The following MCC variants were observed in gnomAD, a reference collection of about 807,000 sequenced individuals.
MCC encodes the protein MCC regulator of Wnt signaling pathway.
Under a neutral mutation model 116.2 loss-of-function variants are expected in MCC, and 90 were observed. The observed-to-expected ratio is 0.77, with a 90% CI of 0.65 to 0.92. MCC has a LOEUF of 0.92. Among genes scored for constraint, MCC ranks in the 40% least tolerant of loss-of-function variants. MCC has a pLI of 0.00. For missense variants in MCC, 1,516 were observed against 1,312.2 expected (o/e 1.16, Z -2.40); for synonymous variants, 578 against 510.5 (o/e 1.13, Z -1.78).
chr5:113,378,870 CT>C (rs1769044907), intron 2 of MCC, among the ~76,000 whole-genome samples: 1 of 152,220 alleles, frequency 6.6e-6, no homozygotes, highest in Admixed American at 6.5e-5. Context: ...ATGTAAATAT[CT>C]AATGCTAGAA....
At chr5:113,404,356 T>C (rs986288424) in intron 1 of MCC, among the ~76,000 whole-genome samples, 1 of 152,156 alleles carries the variant, frequency 6.6e-6, no homozygotes, top group Non-Finnish European at 1.5e-5. Context: ...TGCCCTCAAA[T>C]GGCTGTAAAA....
At chr5:113,296,786 C>A (rs1315210730) in intron 3 of MCC, among the ~76,000 whole-genome samples, 2 of 152,110 alleles carry the variant, frequency 1.3e-5, no homozygotes, top group Non-Finnish European at 2.9e-5. Context: ...AGATTTAAAT[C>A]ACACTCATGA....
At chr5:113,251,390 C>A (rs1483652440) in intron 3 of MCC, among the ~76,000 whole-genome samples, 1 of 152,158 alleles carries the variant, frequency 6.6e-6, no homozygotes. Flanking sequence ...ATAATGTGTA[C>A]TATGATAAAC....
At chr5:113,378,341 A>G (rs991060417) in intron 2 of MCC, among the ~76,000 whole-genome samples, 5 of 152,018 alleles carry the variant, frequency 3.3e-5, no homozygotes, top group African/African-American at 1.2e-4. Flanking sequence ...TCCTTAGACC[A>G]TGGGGCACCA....
chr5:113,466,163 T>A (rs916709967), intron 1 of MCC, among the ~76,000 whole-genome samples: 4 of 101,818 alleles, frequency 3.9e-5, no homozygotes, highest in African/African-American at 1.5e-4. Context: ...TGAAGTTGAG[T>A]AGCCATTCTT....
At chr5:113,418,949 A>C (rs1261479354) in intron 1 of MCC, among the ~76,000 whole-genome samples, 2 of 152,154 alleles carry the variant, frequency 1.3e-5, no homozygotes, top group Non-Finnish European at 2.9e-5. Context: ...CCAACCAAAG[A>C]GGGATGCGTA....
At position 113,434,108 on chromosome 5, in the gene MCC, C is replaced by A. The variant is rs748314371; in HGVS notation, c.171-48896G>T. 1.9e-6 allele frequency: 3 copies of A among 1,614,212 alleles called. 1 individual carries two copies. In the South Asian group the frequency reaches 3.3e-5, roughly 18 times the overall value. Reference sequence around the variant, plus strand: ...GCATGTGGTAGATGAGGTCCTTGCACTCGCCTGTCAGGTGCTTGGAGCGTG... The same window carrying A: ...GCATGTGGTAGATGAGGTCCTTGCAATCGCCTGTCAGGTGCTTGGAGCGTG... On this transcript the variant is annotated intron_variant, in intron 1 of 18. Coordinates refer to ENST00000408903, the MANE Select transcript of MCC (RefSeq NM_001085377.2). The surrounding 1 kb of genome is among the most constrained non-coding windows in gnomAD (Gnocchi z 4.2).
At chr5:113,258,376 T>C (rs1318207471) in intron 3 of MCC, among the ~76,000 whole-genome samples, 1 of 152,210 alleles carries the variant, frequency 6.6e-6, no homozygotes, top group South Asian at 2.1e-4. Flanking sequence ...TGGACCAGAC[T>C]GGTACTGGTC....
intron 1 of MCC, among the ~76,000 whole-genome samples, chr5:113,467,945 A>C (rs992660508): frequency 1.3e-5 from 2 of 152,062 alleles, no homozygotes; most frequent in Non-Finnish European, 2.9e-5. Flanking sequence ...TCTTTGAAGC[A>C]ATTGTGAATG....
intron 14 of MCC, 26 bp from the exon 15 acceptor site, chr5:113,053,985 C>G: frequency 4.6e-6 from 7 of 1,534,168 alleles, no homozygotes; most frequent in Non-Finnish European, 6.3e-6. Flanking sequence ...AACAAAGACC[C>G]ACCACCCTGT....
At chr5:113,284,368 T>A (rs1766166516) in intron 3 of MCC, among the ~76,000 whole-genome samples, 1 of 152,198 alleles carries the variant, frequency 6.6e-6, no homozygotes, top group African/African-American at 2.4e-5. Context: ...TATGCCAGCA[T>A]GGTTTAAGGG....
chr5:113,422,256 T>C (rs1425612119), intron 1 of MCC, among the ~76,000 whole-genome samples: 1 of 142,614 alleles, frequency 7.0e-6, no homozygotes, highest in African/African-American at 2.9e-5. Flanking sequence ...AGATGTGCTG[T>C]ACCACACCAT....
At position 113,232,525 on chromosome 5, in the gene MCC, A is replaced by G. The variant is rs141024691; in HGVS notation, c.628-81103T>C. Among the ~76,000 whole-genome samples the G allele has an allele frequency of 2.6e-5, 4 of 152,184 alleles. No homozygotes were observed. The East Asian group carries it at 5.8e-4, about 22-fold the overall frequency. ...TATTCTGAATTCGCACGCCCAAAAA[A>G]GCTGAGATCAGAGACTCTGTCAGTT... On this transcript the variant is annotated intron_variant, in intron 3 of 18. Transcript: ENST00000408903.
rs201626099 is a variant in MCC at position 113,330,052 on chromosome 5, AACTG to A, written c.627+10463_627+10466del. ...TGCAGTCTAACTTAGCACATAAACT[AACTG>A]AAAGCCTAACTTAGGAGTATAGTTT... is the stretch of plus-strand genomic sequence containing the variant. On this transcript the variant is annotated intron_variant, in intron 3 of 18. Transcript: ENST00000408903. 3.3e-3 allele frequency among the ~76,000 whole-genome samples: 504 copies of A among 152,346 alleles called. 5 individuals are homozygous for A. The East Asian group carries it at 0.059, about 18-fold the overall frequency.
chr5:113,143,205 T>C lies in MCC; in HGVS notation c.884+13A>G, dbSNP rs751700081. ...CAGAAGGGGCAGAGTAAAAGCCGAA[T>C]GGAGCCGCGTACCTGATGGTGGTGC... On this transcript the variant is annotated intron_variant, in intron 5 of 18. Transcript: ENST00000408903. 2 of 1,585,820 alleles carry C rather than the reference T, an allele frequency of 1.3e-6. No homozygotes were observed. The highest frequency in any genetic ancestry group is 2.3e-5 in the East Asian group (1 of 43,888).
In MCC at chr5:113,467,071, A is replaced by C. The variant is rs1771931110; in HGVS notation, c.170+21174T>G. 2.0e-5 allele frequency among the ~76,000 whole-genome samples: 3 copies of C among 150,034 alleles called. No individual in the cohort carries two copies. The South Asian group carries it at 6.3e-4, about 32-fold the overall frequency. On this transcript the variant is annotated intron_variant, in intron 1 of 18. Transcript: ENST00000408903. ...GTAAATTTGTTTGAGTTCATTGTAG[A>C]TTCTGGATATTAGCCCTTTGTCAGA...
At chr5:113,320,448 A>G (rs1581397146) in intron 3 of MCC, among the ~76,000 whole-genome samples, 1 of 94,962 alleles carries the variant, frequency 1.1e-5, no homozygotes, top group East Asian at 2.3e-4. Context: ...CACCAGACTC[A>G]TTGCAAAAAA....
chr5:113,049,819 G>T (rs1011902256), intron 15 of MCC, among the ~76,000 whole-genome samples: 1 of 152,180 alleles, frequency 6.6e-6, no homozygotes, highest in Non-Finnish European at 1.5e-5. Flanking sequence ...GGCATGCGGC[G>T]AATGCCTGCA....
chr5:113,261,787 C>G (rs919488086), intron 3 of MCC, among the ~76,000 whole-genome samples: 24 of 148,046 alleles, frequency 1.6e-4, no homozygotes, highest in Admixed American at 2.2e-4. Flanking sequence ...CAGGTTCTTC[C>G]TAAAAGCACT....
Sources: allele counts gnomAD v4.1 joint callset (sites outside exome capture counted in the v4.1 genomes callset), GRCh38; gene constraint gnomAD v4.1.1; non-coding constraint Gnocchi (gnomAD v3.1); transcripts MANE v1.5; gene names NCBI Gene and HGNC (gene_info 2026-07-23, HGNC 2026-07-21).